Variants in PUDP observed in about 807,000 individuals in gnomAD.
PUDP encodes pseudouridine-5'-phosphatase.
Under a neutral mutation model 9.4 loss-of-function variants are expected in PUDP, and 8 were observed. That is an observed-to-expected ratio of 0.85 (90% CI 0.50 to 1.53). The LOEUF is 1.53. PUDP is among the 40% of genes most tolerant of loss of function. PUDP has a pLI of 0.00. For missense variants in PUDP, 188 were observed against 189.7 expected (o/e 0.99, Z 0.05); for synonymous variants, 99 against 80.7 (o/e 1.23, Z -1.22).
chrX:6,735,821 C>T (rs905911785), intron 3 of PUDP, among the ~76,000 whole-genome samples: 5 of 110,488 alleles, frequency 4.5e-5, no homozygotes, highest in African/African-American at 1.6e-4. Context: ...ATTGCTTGAG[C>T]TTAGGAATTT....
At chrX:7,078,150 T>G (rs914175313) in intron 2 of PUDP, among the ~76,000 whole-genome samples, 1 of 111,887 alleles carries the variant, frequency 8.9e-6, no homozygotes, top group Non-Finnish European at 1.9e-5. Flanking sequence ...ACCACACAGG[T>G]CCATGGAGGT....
intron 3 of PUDP, among the ~76,000 whole-genome samples, chrX:6,732,196 G>A (rs1337473204): frequency 6.3e-5 from 7 of 111,593 alleles, no homozygotes; most frequent in Non-Finnish European, 1.3e-4. Context: ...ATCATTAGAT[G>A]AAAGGCACCT....
chrX:6,781,750 T>C (rs1475663211), intron 3 of PUDP, among the ~76,000 whole-genome samples: 1 of 112,473 alleles, frequency 8.9e-6, no homozygotes, highest in Non-Finnish European at 1.9e-5. Flanking sequence ...TCCTTAGCAA[T>C]GCCTGGCAAT....
intron 3 of PUDP, among the ~76,000 whole-genome samples, chrX:6,957,227 G>A (rs187068472): frequency 9.0e-5 from 10 of 110,866 alleles, no homozygotes; most frequent in African/African-American, 2.9e-4. Flanking sequence ...TGGTTTGAAT[G>A]TGTCCCTGGA....
At chrX:7,064,742 T>C (rs1013392463) in intron 3 of PUDP, among the ~76,000 whole-genome samples, 1 of 111,940 alleles carries the variant, frequency 8.9e-6, no homozygotes, top group East Asian at 2.8e-4. Flanking sequence ...GATTAAACTA[T>C]AGACATGCAG....
chrX:6,716,308 C>T (rs372503741), intron 1 of PUDP, among the ~76,000 whole-genome samples: 1 of 111,334 alleles, frequency 9.0e-6, no homozygotes, highest in Admixed American at 9.6e-5. Context: ...CATATCTGTG[C>T]TGATTATTTA....
chrX:6,847,904 G>A (rs1926772821), intron 3 of PUDP, among the ~76,000 whole-genome samples: 1 of 111,429 alleles, frequency 9.0e-6, no homozygotes, highest in Admixed American at 9.6e-5. Context: ...GAAGTAGAAG[G>A]GAAAAAGTGC....
intron 1 of PUDP, among the ~76,000 whole-genome samples, chrX:7,012,142 G>A (rs1254252278): frequency 1.8e-5 from 2 of 111,661 alleles, no homozygotes; most frequent in African/African-American, 6.5e-5. Flanking sequence ...TGTCTTCTCT[G>A]TCCCTCTGTG....
chrX:6,879,647 A>AAC (rs1247230584), intron 3 of PUDP, among the ~76,000 whole-genome samples: 1 of 111,897 alleles, frequency 8.9e-6, no homozygotes, highest in Non-Finnish European at 1.9e-5. Flanking sequence ...AGTGAGACAG[A>AAC]ACACTCATGC....
intron 3 of PUDP, among the ~76,000 whole-genome samples, chrX:6,766,035 A>G (rs1473242791): frequency 1.8e-5 from 2 of 111,797 alleles, no homozygotes; most frequent in Admixed American, 1.9e-4. Context: ...TATTCAAGTA[A>G]TAGCAAATTC....
intron 3 of PUDP, among the ~76,000 whole-genome samples, chrX:6,882,734 G>A (rs1416532113): frequency 9.0e-6 from 1 of 111,069 alleles, no homozygotes; most frequent in Non-Finnish European, 1.9e-5. Flanking sequence ...TGGAAATATG[G>A]AATGGATCTA....
At chrX:6,760,861 C>G (rs1925221461) in intron 3 of PUDP, among the ~76,000 whole-genome samples, 1 of 112,148 alleles carries the variant, frequency 8.9e-6, no homozygotes, top group Non-Finnish European at 1.9e-5. Flanking sequence ...GCAGATCAGA[C>G]TTACATACAT....
In PUDP at chrX:6,988,557, A is replaced by G. The variant is rs748806195; in HGVS notation, c.205-10214T>C. On this transcript the variant is annotated intron_variant and NMD_transcript_variant, in intron 1 of 3. Coordinates refer to the PUDP transcript ENST00000655425. ...TTAAGTGATTAACTTCTTCTAATCC[A>G]TAACTAAGGTCTGAGTCCTGGAGGC... Among the ~76,000 whole-genome samples, 5 of 112,215 alleles carry G rather than the reference A, an allele frequency of 4.5e-5. No individual in the cohort carries two copies. In the East Asian group the frequency reaches 1.4e-3, roughly 31 times the overall value.
At chrX:6,836,044 A>C (rs1267442269) in intron 3 of PUDP, among the ~76,000 whole-genome samples, 2 of 111,133 alleles carry the variant, frequency 1.8e-5, no homozygotes, top group African/African-American at 3.3e-5. Context: ...TTTAGTAATA[A>C]TACTATAATA....
At chrX:6,846,919 C>T (rs1247848984) in intron 3 of PUDP, among the ~76,000 whole-genome samples, 5 of 110,924 alleles carry the variant, frequency 4.5e-5, no homozygotes, top group African/African-American at 1.6e-4. Flanking sequence ...TGCCTAGTTT[C>T]ACCAAATAAT....
chrX:6,710,149 C>T (rs1352218154), intron 1 of PUDP, among the ~76,000 whole-genome samples: 1 of 111,561 alleles, frequency 9.0e-6, no homozygotes, highest in Non-Finnish European at 1.9e-5. Flanking sequence ...AACAAACAAA[C>T]AAAAACAAAC....
At chrX:6,720,256 G>GTATATATATATA (rs1384554975) in intron 1 of PUDP, among the ~76,000 whole-genome samples, 3 of 37,144 alleles carry the variant, frequency 8.1e-5, no homozygotes, top group African/African-American at 4.7e-4. Flanking sequence ...GTGTGTGTGT[G>GTATATATATATA]TGTATATATA....
chrX:7,129,977 T>G (rs1337326939), intron 1 of PUDP, among the ~76,000 whole-genome samples: 1 of 111,891 alleles, frequency 8.9e-6, no homozygotes, highest in African/African-American at 3.3e-5. Context: ...TTTCCATGTT[T>G]ATCCCCGGCA....
intron 1 of PUDP, among the ~76,000 whole-genome samples, chrX:7,036,567 A>G (rs3954334): frequency 2.0e-5 from 2 of 100,538 alleles, no homozygotes; most frequent in Admixed American, 1.1e-4. Flanking sequence ...TCTGTCTTCC[A>G]TCTTTTACTT....
Sources: gnomAD v4.1 joint callset for allele counts (sites outside exome capture counted in the v4.1 genomes callset) on GRCh38, gnomAD v4.1.1 for gene constraint, MANE v1.5 for transcripts, NCBI Gene and HGNC (gene_info 2026-07-23, HGNC 2026-07-21) for gene names.